HLCS: variants seen among roughly 807,000 people sequenced by gnomAD.
HLCS encodes the protein holocarboxylase synthetase, also known as biotin--protein ligase.
HLCS carries 53 observed loss-of-function variants against 75.0 expected under a neutral mutation model. The observed-to-expected ratio is 0.71, with a 90% CI of 0.57 to 0.89. The LOEUF (loss-of-function observed/expected upper bound fraction) is 0.89. Ranked by LOEUF, HLCS falls within the 40% of genes least tolerant of loss-of-function variation. The probability of loss-of-function intolerance (pLI) is 0.00; values close to 1 mark genes in which losing one functional copy is unlikely to be tolerated. For missense variants in HLCS, 966 were observed against 1,074.0 expected (o/e 0.90, Z 1.41); for synonymous variants, 431 against 428.6 (o/e 1.01, Z -0.07).
In HLCS at chr21:36,888,477, TA is replaced by T. The variant is rs1569149888; in HGVS notation, c.1892+8382del. 1.9e-3 allele frequency among the ~76,000 whole-genome samples: 244 copies of T among 126,744 alleles called. 6 individuals are homozygous for T. Among genetic ancestry groups the T allele is most frequent in the Non-Finnish European group, 2.4e-3 (149 of 61,596 alleles). 83.1% of individuals were successfully genotyped at this position (126,744 alleles called of 152,430 possible). A position where few individuals can be genotyped will look rare whatever the true frequency, so the allele number is the denominator to read the frequency against. ...ATATATATATATATATATATATATA[TA>T]TATATATATATATATATATTTATTT... is the stretch of plus-strand genomic sequence containing the variant. On this transcript the variant is annotated intron_variant, in intron 6 of 10. Coordinates refer to ENST00000674895, the MANE Select transcript of HLCS (RefSeq NM_001352514.2).
rs1244900266 is a variant in HLCS, at chr21:36,765,131, G to C, written c.2002C>G (p.Leu668Val). 6.2e-7 allele frequency: 1 copy of C among 1,614,178 alleles called. No individual in the cohort carries two copies. Among genetic ancestry groups the C allele is most frequent in the African/African-American group, 1.3e-5 (1 of 75,038 alleles). The change falls in exon 8 of 11, where the codon CTT (leucine) becomes GTT (valine). Residue 668 changes from leucine to valine, a missense_variant. Leu to Val is a conservative substitution (Grantham distance 32, BLOSUM62 1). Transcript: ENST00000674895. The stretch of plus-strand genomic sequence containing the variant: ...GGAATGGAGATGAGCAGAGTAGAAA[G>C]AGCACATCCCACAGGGCTCAGCCAC... ...NVWLSPVGCA[L>V]STLLISIPLR... is the part of the protein sequence containing the mutation.
chr21:36,973,658 G>A (rs1473640237), intron 1 of HLCS: 1 of 152,194 alleles, frequency 6.6e-6, no homozygotes, highest in East Asian at 1.9e-4. Context: ...TAGATACTCA[G>A]AGGGGATTTA....
chr21:36,853,005 T>C (rs1211377214), intron 6 of HLCS, among the ~76,000 whole-genome samples: 1 of 152,214 alleles, frequency 6.6e-6, no homozygotes, highest in Non-Finnish European at 1.5e-5. Context: ...AAATTCTCTA[T>C]CTTTCAATGC....
intron 6 of HLCS, among the ~76,000 whole-genome samples, chr21:36,783,738 G>A (rs886232756): frequency 3.9e-5 from 6 of 152,124 alleles, no homozygotes; most frequent in Non-Finnish European, 5.9e-5. Flanking sequence ...GCCAGATGTC[G>A]TTTTTAGCAC....
At chr21:36,875,572 C>T (rs1415554688) in intron 6 of HLCS, among the ~76,000 whole-genome samples, 3 of 152,246 alleles carry the variant, frequency 2.0e-5, no homozygotes, top group South Asian at 2.1e-4. Flanking sequence ...GAGCTACACA[C>T]TACAGGTCTC....
At chr21:36,814,916 T>TGGGTGGAGAAGC (rs1484307147) in intron 6 of HLCS, among the ~76,000 whole-genome samples, 1 of 151,618 alleles carries the variant, frequency 6.6e-6, no homozygotes, top group Non-Finnish European at 1.5e-5. Flanking sequence ...CCCGGTGCAA[T>TGGGTGGAGAAGC]GGGTGGAGAA....
intron 6 of HLCS, among the ~76,000 whole-genome samples, chr21:36,785,485 C>G (rs1404041670): frequency 6.6e-6 from 1 of 152,192 alleles, no homozygotes; most frequent in South Asian, 2.1e-4. Context: ...CCCTTGAGAC[C>G]TGGGTGGATT....
At chr21:36,838,857 G>A (rs534892148) in intron 6 of HLCS, among the ~76,000 whole-genome samples, 11 of 152,290 alleles carry the variant, frequency 7.2e-5, no homozygotes, top group African/African-American at 1.4e-4. Context: ...GGCAAGGAAC[G>A]GGGCCTCCCC....
chr21:36,844,767 G>A (rs1225546844), intron 6 of HLCS, among the ~76,000 whole-genome samples: 2 of 151,138 alleles, frequency 1.3e-5, no homozygotes, highest in Non-Finnish European at 2.9e-5. Context: ...TCAAATAAAA[G>A]CAAGAATAAG....
intron 1 of HLCS, among the ~76,000 whole-genome samples, chr21:36,981,367 T>C (rs1410305386): frequency 6.6e-6 from 1 of 151,096 alleles, no homozygotes; most frequent in Non-Finnish European, 1.5e-5. Flanking sequence ...GAGAGCTGAA[T>C]CTATTAATCT....
At chr21:36,793,206 C>T (rs116591835) in intron 6 of HLCS, among the ~76,000 whole-genome samples, 326 of 152,116 alleles carry the variant, frequency 2.1e-3, no homozygotes, top group African/African-American at 7.2e-3. Context: ...ATTTTCTCTA[C>T]GACCCCCGCT....
intron 5 of HLCS, among the ~76,000 whole-genome samples, chr21:36,923,563 G>A (rs2066270408): frequency 6.6e-6 from 1 of 152,220 alleles, no homozygotes; most frequent in African/African-American, 2.4e-5. Context: ...AATTAAACGT[G>A]GAAAACAACA....
chr21:36,954,262 C>A (rs2067812848), intron 2 of HLCS, among the ~76,000 whole-genome samples: 1 of 151,046 alleles, frequency 6.6e-6, no homozygotes, highest in African/African-American at 2.4e-5. Context: ...GCTATCACAC[C>A]ACTGCACTCC....
At chr21:36,937,700 C>G (rs1386073256) in intron 3 of HLCS, among the ~76,000 whole-genome samples, 1 of 152,180 alleles carries the variant, frequency 6.6e-6, no homozygotes, top group Non-Finnish European at 1.5e-5. Flanking sequence ...CCTTTGCCTC[C>G]TTACTTACAG....
intron 6 of HLCS, among the ~76,000 whole-genome samples, chr21:36,816,879 C>T (rs527688565): frequency 6.6e-6 from 1 of 152,152 alleles, no homozygotes; most frequent in Non-Finnish European, 1.5e-5. Context: ...TCCCATGACT[C>T]GTAAGCTTCT....
chr21:36,879,071 G>A (rs2064099310), intron 6 of HLCS, among the ~76,000 whole-genome samples: 1 of 152,058 alleles, frequency 6.6e-6, no homozygotes, highest in Non-Finnish European at 1.5e-5. Flanking sequence ...CTGTCACATA[G>A]TAAATGGTAA....
chr21:36,817,272 C>T (rs967158986), intron 6 of HLCS, among the ~76,000 whole-genome samples: 3 of 152,270 alleles, frequency 2.0e-5, no homozygotes, highest in Non-Finnish European at 2.9e-5. Context: ...TAACCATTTA[C>T]GTCTTTGCTC....
At position 36,936,778 on chromosome 21, in the gene HLCS, C is replaced by T; in HGVS notation, c.1108G>A (p.Glu370Lys). Reference protein sequence around the residue: ...NCLLLVIATRESIPEDLYQKF... With the variant: ...NCLLLVIATRKSIPEDLYQKF... ...TGGTACAGGTCTTCGGGAATGGACT[C>T]CCTGGTAGCAATGACCAACAGCAGA... Residue 370 changes from glutamate to lysine, a missense_variant, in exon 4 of 11, where the codon GAG (glutamate) becomes AAG (lysine). Glu to Lys is a moderately conservative substitution (Grantham distance 56). Transcript: ENST00000674895. 2 of 1,614,200 alleles carry T rather than the reference C, an allele frequency of 1.2e-6. No homozygotes were observed. Among genetic ancestry groups the T allele is most frequent in the Non-Finnish European group, 1.7e-6 (2 of 1,180,030 alleles).
intron 6 of HLCS, among the ~76,000 whole-genome samples, chr21:36,862,984 G>A (rs1041559775): frequency 9.1e-5 from 12 of 131,236 alleles, no homozygotes; most frequent in Non-Finnish European, 1.6e-4. Context: ...GTCTCATTAT[G>A]TTGCTCAGGC....
Sources: gnomAD v4.1 joint callset for allele counts (sites outside exome capture counted in the v4.1 genomes callset) on GRCh38, gnomAD v4.1.1 for gene constraint, MANE v1.5 for transcripts, NCBI Gene and HGNC (gene_info 2026-07-23, HGNC 2026-07-21) for gene names.